The following DNAJC5 variants were observed in gnomAD, a reference collection of about 807,000 sequenced individuals.
DNAJC5 encodes dnaJ homolog subfamily C member 5.
Under a neutral mutation model 23.2 loss-of-function variants are expected in DNAJC5, and 1 was observed. The ratio of observed to expected loss-of-function variants is 0.04; its 90% CI spans 0.02 to 0.20. The LOEUF (loss-of-function observed/expected upper bound fraction) is 0.20. Among genes scored for constraint, DNAJC5 ranks in the 10% least tolerant of loss-of-function variants. DNAJC5 has a pLI of 1.00. For synonymous variants in DNAJC5, 136 were observed against 120.0 expected (o/e 1.13, Z -0.87); for missense variants, 180 against 267.0 (o/e 0.67, Z 2.27).
rs113207069 is a variant in DNAJC5, at chr20:63,929,486, C to T, written c.282C>T (p.Asn94=). The change falls in exon 3 of 5, where the codon AAC becomes AAT. Residue 94 remains asparagine, a synonymous_variant. Coordinates refer to ENST00000360864, the MANE Select transcript of DNAJC5 (RefSeq NM_025219.3). This position sits in a 1 kb window ranked among gnomAD's most constrained non-coding sequence, Gnocchi z 8.6. ...TGGCCGAGCAGTTTGGGGAAGAGAA[C>T]GTGAACACCTACTTCGTGCTGTCCA... The part of the protein sequence containing the change: ...LYVAEQFGEE[N]VNTYFVLSSW... The T allele has an allele frequency of 6.1e-4, 984 of 1,613,904 alleles. No homozygotes were observed. Among genetic ancestry groups the T allele is most frequent in the Non-Finnish European group, 7.9e-4 (927 of 1,179,928 alleles).
Position 63,931,359 on chromosome 20 carries a change from C to A in DNAJC5, c.494-106C>A. ...GGTGGAGGTCAGCGAGTAGCCTCTC[C>A]CGGTGGAGAGTTTGTCCAGGTGCCC... On this transcript the variant is annotated intron_variant, in intron 4 of 4. Coordinates refer to ENST00000360864, the MANE Select transcript of DNAJC5 (RefSeq NM_025219.3). The surrounding 1 kb of genome is among the most constrained non-coding windows in gnomAD (Gnocchi z 9.6). 9.0e-7 allele frequency: 1 copy of A among 1,109,542 alleles called. No homozygotes were observed. The highest frequency in any genetic ancestry group is 1.3e-6 in the Non-Finnish European group (1 of 759,894). The allele number at this position is 1,109,542 out of a possible 1,614,324, so 68.7% of individuals were successfully genotyped here. A position where few individuals can be genotyped will look rare whatever the true frequency, so the allele number is the denominator to read the frequency against.
chr20:63,910,818 G>A (rs1337828016), intron 1 of DNAJC5, among the ~76,000 whole-genome samples: 1 of 151,848 alleles, frequency 6.6e-6, no homozygotes, highest in South Asian at 2.1e-4. Flanking sequence ...GACTACAGGT[G>A]CCCGCCACCA....
intron 1 of DNAJC5, chr20:63,919,337 A>G (rs2053543169): frequency 3.9e-6 from 2 of 507,898 alleles, no homozygotes; most frequent in South Asian, 2.8e-5. Flanking sequence ...TGTTGAGCAA[A>G]TGAATGCTGA....
At chr20:63,927,895 G>A (rs1002815734) in intron 1 of DNAJC5, among the ~76,000 whole-genome samples, 1 of 152,010 alleles carries the variant, frequency 6.6e-6, no homozygotes, top group African/African-American at 2.4e-5. Flanking sequence ...TTATGCAGAG[G>A]TTGCTGTAAG....
At position 63,931,111 on chromosome 20, in the gene DNAJC5, G is replaced by A; in HGVS notation, c.493+89G>A. The stretch of plus-strand genomic sequence containing the variant: ...TGTCAACCTGTCTTGTCAAACAGGA[G>A]GGCACTGACACTGTGCCGCGAGTGT... On this transcript the variant is annotated intron_variant, in intron 4 of 4. Coordinates refer to ENST00000360864, the MANE Select transcript of DNAJC5 (RefSeq NM_025219.3). This position sits in a 1 kb window ranked among gnomAD's most constrained non-coding sequence, Gnocchi z 9.6. The A allele has an allele frequency of 7.2e-7, 1 of 1,381,168 alleles. No individual in the cohort carries two copies. The highest frequency in any genetic ancestry group is 1.0e-6 in the Non-Finnish European group (1 of 986,970). The allele number at this position is 1,381,168 out of a possible 1,614,324, so 85.6% of individuals were successfully genotyped here. A position where few individuals can be genotyped will look rare whatever the true frequency, so the allele number is the denominator to read the frequency against.
At position 63,931,291 on chromosome 20, in the gene DNAJC5, G is replaced by A. The variant is rs1485598122; in HGVS notation, c.494-174G>A. 1.4e-5 allele frequency: 11 copies of A among 801,586 alleles called. No individual in the cohort carries two copies. Among genetic ancestry groups the A allele is most frequent in the Admixed American group, 8.1e-5 (4 of 49,406 alleles). 49.7% of individuals were successfully genotyped at this position (801,586 alleles called of 1,614,324 possible). On this transcript the variant is annotated intron_variant, in intron 4 of 4. Coordinates refer to ENST00000360864, the MANE Select transcript of DNAJC5 (RefSeq NM_025219.3). This position sits in a 1 kb window ranked among gnomAD's most constrained non-coding sequence, Gnocchi z 9.6. ...GGCAGTTGGGGCGGGGCTGAGGGCC[G>A]AGGGCTGGCGGTGACCCAAGGCGAC...
At chr20:63,907,179 A>C (rs1213848776) in intron 1 of DNAJC5, among the ~76,000 whole-genome samples, 2 of 152,208 alleles carry the variant, frequency 1.3e-5, no homozygotes, top group African/African-American at 4.8e-5. Context: ...GTTATTTGTG[A>C]TCAGGACAGA....
intron 1 of DNAJC5, among the ~76,000 whole-genome samples, chr20:63,899,796 T>C (rs1048208495): frequency 6.6e-6 from 1 of 151,858 alleles, no homozygotes; most frequent in African/African-American, 2.4e-5. Context: ...TTAGCCAGGA[T>C]GGTCTCGATC....
intron 1 of DNAJC5, among the ~76,000 whole-genome samples, chr20:63,924,220 A>T (rs1325035651): frequency 2.0e-5 from 3 of 152,138 alleles, no homozygotes; most frequent in African/African-American, 4.8e-5. Flanking sequence ...GCAAAAAAAA[A>T]TCCTCTTGGA....
rs749077830 is a variant in DNAJC5 at position 63,929,459 on chromosome 20, C to T, written c.255C>T (p.Tyr85=). Residue 85 remains tyrosine, a synonymous_variant, in exon 3 of 5, where the codon TAC becomes TAT. Coordinates refer to ENST00000360864, the MANE Select transcript of DNAJC5 (RefSeq NM_025219.3). The surrounding 1 kb of genome is among the most constrained non-coding windows in gnomAD (Gnocchi z 8.6). ...ACAAGTACGGCTCGCTGGGTCTCTA[C>T]GTGGCCGAGCAGTTTGGGGAAGAGA... is the stretch of plus-strand genomic sequence containing the variant. ...IYDKYGSLGL[Y]VAEQFGEENV... 2.3e-5 allele frequency: 37 copies of T among 1,614,044 alleles called. No individual in the cohort carries two copies. The highest frequency in any genetic ancestry group is 8.9e-5 in the East Asian group (4 of 44,888).
At chr20:63,896,886 C>T (rs552658950) in intron 1 of DNAJC5, among the ~76,000 whole-genome samples, 23 of 152,212 alleles carry the variant, frequency 1.5e-4, no homozygotes, top group African/African-American at 4.6e-4. Flanking sequence ...GTGGTGCTGG[C>T]CTTGTCACCC....
chr20:63,921,249 G>A (rs1170335181), intron 1 of DNAJC5, among the ~76,000 whole-genome samples: 2 of 152,016 alleles, frequency 1.3e-5, no homozygotes, highest in Admixed American at 6.6e-5. Context: ...TTGAGCCACC[G>A]TGCCCGGCCA....
chr20:63,907,582 C>T (rs545344185), intron 1 of DNAJC5, among the ~76,000 whole-genome samples: 3 of 152,282 alleles, frequency 2.0e-5, no homozygotes, highest in Non-Finnish European at 2.9e-5. Context: ...TGACCAGGCC[C>T]GTCTCACAGG....
rs553169823 is a variant in DNAJC5 at position 63,899,780 on chromosome 20, G to A, written c.-12+4457G>A. Among the ~76,000 whole-genome samples, 132 of 151,734 alleles carry A rather than the reference G, an allele frequency of 8.7e-4. 1 individual carries two copies. The highest frequency in any genetic ancestry group is 2.9e-3 in the East Asian group (15 of 5,164). On this transcript the variant is annotated intron_variant, in intron 1 of 4. Coordinates refer to ENST00000360864, the MANE Select transcript of DNAJC5 (RefSeq NM_025219.3). ...GTATTTTTAGTAGAGACAGGGTTTCGCGGTGTTAGCCAGGATGGTCTCGAT... is the reference window on the plus strand; with the variant it reads ...GTATTTTTAGTAGAGACAGGGTTTCACGGTGTTAGCCAGGATGGTCTCGAT...
chr20:63,909,818 C>T (rs1035591430), intron 1 of DNAJC5, among the ~76,000 whole-genome samples: 9 of 152,324 alleles, frequency 5.9e-5, no homozygotes, highest in East Asian at 3.9e-4. Context: ...GGAGAGCCTG[C>T]GGGGGGCAGC....
chr20:63,904,544 G>A (rs959922470), intron 1 of DNAJC5, among the ~76,000 whole-genome samples: 2 of 152,186 alleles, frequency 1.3e-5, no homozygotes, highest in African/African-American at 4.8e-5. Context: ...GCCTCTTAGT[G>A]TGTCTGACCT....
intron 1 of DNAJC5, among the ~76,000 whole-genome samples, chr20:63,901,539 C>T (rs908905675): frequency 1.3e-5 from 2 of 152,234 alleles, no homozygotes; most frequent in Non-Finnish European, 2.9e-5. Context: ...AGGCTGCGTC[C>T]GCGCGCTCCA....
At chr20:63,903,898 T>G (rs1246740147) in intron 1 of DNAJC5, among the ~76,000 whole-genome samples, 5 of 152,048 alleles carry the variant, frequency 3.3e-5, no homozygotes, top group Non-Finnish European at 7.3e-5. Context: ...CCAGCCTGGG[T>G]AACATGAGGA....
At position 63,928,661 on chromosome 20, in the gene DNAJC5, A is replaced by G. The variant is rs569944139; in HGVS notation, c.107+209A>G. 3.2e-4 allele frequency among the ~76,000 whole-genome samples: 49 copies of G among 152,344 alleles called. 1 individual carries two copies. The South Asian group carries it at 7.0e-3, about 22-fold the overall frequency. ...ATTCATGTTCTCTTGCCAACAAAAAATAGCACTTAGTAGAAACTGACACAC... is the reference window on the plus strand; with the variant it reads ...ATTCATGTTCTCTTGCCAACAAAAAGTAGCACTTAGTAGAAACTGACACAC... On this transcript the variant is annotated intron_variant, in intron 2 of 4. Transcript: ENST00000360864. The surrounding 1 kb of genome is among the most constrained non-coding windows in gnomAD (Gnocchi z 4.6).
Sources: allele counts gnomAD v4.1 joint callset (sites outside exome capture counted in the v4.1 genomes callset), GRCh38; gene constraint gnomAD v4.1.1; non-coding constraint Gnocchi (gnomAD v3.1); transcripts MANE v1.5; gene names NCBI Gene and HGNC (gene_info 2026-07-23, HGNC 2026-07-21).